Variants in ARB2A observed in about 807,000 individuals in gnomAD.
The protein encoded by ARB2A is ARB2 cotranscriptional regulator A.
chr5:94,039,280 A>G, the ARB2A span, among the ~76,000 whole-genome samples: 36 of 152,324 alleles, frequency 2.4e-4, no homozygotes, highest in African/African-American at 8.7e-4. Flanking sequence ...TTCCTAGACC[A>G]TTAAGACACT....
chr5:93,851,971 T>C, the ARB2A span, among the ~76,000 whole-genome samples: 5 of 152,328 alleles, frequency 3.3e-5, no homozygotes, highest in African/African-American at 1.2e-4. Flanking sequence ...ATATACCCAG[T>C]AATAGGATGG....
At chr5:93,706,245 A>G in the ARB2A span, among the ~76,000 whole-genome samples, 1 of 152,258 alleles carries the variant, frequency 6.6e-6, no homozygotes, top group African/African-American at 2.4e-5. Flanking sequence ...ACATACTACA[A>G]CATGGTTCAG....
chr5:94,059,494 G>A, the ARB2A span, among the ~76,000 whole-genome samples: 36 of 151,318 alleles, frequency 2.4e-4, no homozygotes, highest in African/African-American at 2.2e-4. Flanking sequence ...GGTGGCACGC[G>A]CCTGTAATCC....
At chr5:93,830,311 G>GTATA in the ARB2A span, among the ~76,000 whole-genome samples, 498 of 82,050 alleles carry the variant, frequency 6.1e-3, 5 homozygotes, top group African/African-American at 0.012. Context: ...GTGTGTGTGT[G>GTATA]TATATATATA....
At chr5:94,012,340 T>C in the ARB2A span, among the ~76,000 whole-genome samples, 1 of 152,214 alleles carries the variant, frequency 6.6e-6, no homozygotes, top group Non-Finnish European at 1.5e-5. Flanking sequence ...AGGCGGGGCT[T>C]GCAGTGAGCA....
At chr5:93,986,567 G>A in the ARB2A span, among the ~76,000 whole-genome samples, 6,305 of 152,330 alleles carry the variant, frequency 0.041, 182 homozygotes, top group East Asian at 0.13. Flanking sequence ...TGGCGGTTCT[G>A]TCTAATGGAA....
the ARB2A span, among the ~76,000 whole-genome samples, chr5:94,004,876 A>C: frequency 6.6e-6 from 1 of 151,696 alleles, no homozygotes; most frequent in African/African-American, 2.4e-5. Context: ...GCCAAAACAA[A>C]GCTTATCTAA....
the ARB2A span, among the ~76,000 whole-genome samples, chr5:93,873,370 GAAAGGAAAGGAAA>G: frequency 5.7e-4 from 6 of 10,602 alleles, no homozygotes; most frequent in African/African-American, 1.4e-3. Flanking sequence ...GAAAGGAAAG[GAAAGGAAAGGAAA>G]GGAAGGGGAA....
At chr5:93,898,093 C>G in the ARB2A span, among the ~76,000 whole-genome samples, 3 of 152,016 alleles carry the variant, frequency 2.0e-5, no homozygotes, top group Admixed American at 1.3e-4. Context: ...CACCCATCTC[C>G]TACCCCTGAC....
the ARB2A span, among the ~76,000 whole-genome samples, chr5:94,098,990 C>T: frequency 6.6e-6 from 1 of 152,084 alleles, no homozygotes; most frequent in East Asian, 1.9e-4. Context: ...TAATAAATAG[C>T]CTACCAACCA....
At chr5:93,836,066 C>T in the ARB2A span, among the ~76,000 whole-genome samples, 3 of 152,100 alleles carry the variant, frequency 2.0e-5, no homozygotes, top group East Asian at 1.9e-4. Flanking sequence ...CTCGCTCTGT[C>T]GCCCAGGCTG....
chr5:93,811,559 T>C, the ARB2A span, among the ~76,000 whole-genome samples: 1 of 152,124 alleles, frequency 6.6e-6, no homozygotes, highest in Non-Finnish European at 1.5e-5. Context: ...TAAAAGTCAC[T>C]ACAATTAGTA....
At chr5:93,865,618 C>T in the ARB2A span, 14 of 985,242 alleles carry the variant, frequency 1.4e-5, no homozygotes, top group Non-Finnish European at 1.6e-5. Context: ...GGGCTAACAT[C>T]TTTATTTAAT....
At chr5:94,011,755 T>C in the ARB2A span, among the ~76,000 whole-genome samples, 1 of 151,662 alleles carries the variant, frequency 6.6e-6, no homozygotes, top group Non-Finnish European at 1.5e-5. Context: ...AATACTCAAG[T>C]GAAGACGTCT....
the ARB2A span, among the ~76,000 whole-genome samples, chr5:94,020,247 G>A: frequency 6.6e-6 from 1 of 151,566 alleles, no homozygotes; most frequent in East Asian, 1.9e-4. Flanking sequence ...CGGGGCGGGG[G>A]GGGTAACATC....
At chr5:93,950,101 T>A in the ARB2A span, among the ~76,000 whole-genome samples, 1 of 152,298 alleles carries the variant, frequency 6.6e-6, no homozygotes, top group East Asian at 1.9e-4. Flanking sequence ...ATTTTCCTTA[T>A]CCATTCATCT....
chr5:93,769,958 A>G, the ARB2A span, among the ~76,000 whole-genome samples: 2 of 152,192 alleles, frequency 1.3e-5, no homozygotes, highest in Non-Finnish European at 2.9e-5. Context: ...CTGAATAATA[A>G]AAGTAACTTA....
chr5:94,070,134 A>G, the ARB2A span, among the ~76,000 whole-genome samples: 1 of 152,100 alleles, frequency 6.6e-6, no homozygotes, highest in Non-Finnish European at 1.5e-5. Context: ...ATATACAAAA[A>G]GGAAAACTAT....
chr5:93,830,294 T>TAC, the ARB2A span, among the ~76,000 whole-genome samples: 3 of 19,250 alleles, frequency 1.6e-4, no homozygotes, highest in Non-Finnish European at 3.3e-4. Context: ...TTTATATGTA[T>TAC]ATATATGTGT....
Sources: gnomAD v4.1 joint callset for allele counts (sites outside exome capture counted in the v4.1 genomes callset) on GRCh38, gnomAD v4.1.1 for gene constraint, MANE v1.5 for transcripts, NCBI Gene and HGNC (gene_info 2026-07-23, HGNC 2026-07-21) for gene names.